The following GRID2 variants were observed in gnomAD, a reference collection of about 807,000 sequenced individuals.
GRID2 encodes glutamate receptor ionotropic, delta-2.
In GRID2, 33 loss-of-function variants were observed where a neutral mutation model predicts 114.8. The observed-to-expected ratio is 0.29, with a 90% CI of 0.22 to 0.38. The LOEUF (loss-of-function observed/expected upper bound fraction) is 0.38, where lower values mean the gene tolerates loss of function less well. GRID2 is among the 10% of genes least tolerant of loss of function. The pLI is 1.00. For synonymous variants in GRID2, 505 were observed against 449.9 expected (o/e 1.12, Z -1.55); for missense variants, 1,184 against 1,257.7 (o/e 0.94, Z 0.89).
At chr4:92,308,050 A>T (rs999623068) in intron 1 of GRID2, among the ~76,000 whole-genome samples, 1 of 152,188 alleles carries the variant, frequency 6.6e-6, no homozygotes, top group African/African-American at 2.4e-5. Context: ...GCTCTGATTT[A>T]TGTAGCTAGA....
chr4:93,524,819 G>A (rs2870711), intron 13 of GRID2, among the ~76,000 whole-genome samples: 279 of 52,080 alleles, frequency 5.4e-3, no homozygotes, highest in African/African-American at 6.4e-3. Flanking sequence ...ATATATGTAT[G>A]TATGTATATA....
In GRID2 at chr4:92,481,086, G is replaced by T. The variant is rs373048696; in HGVS notation, c.89-109045G>T. ...TAGAGTTAAATTTCTGAAGTCAGCA[G>T]GATAGGCTGAATGTGTATATGACGT... is the stretch of plus-strand genomic sequence containing the variant. On this transcript the variant is annotated intron_variant, in intron 1 of 15. Transcript: ENST00000282020. Among the ~76,000 whole-genome samples the T allele has an allele frequency of 3.4e-4, 51 of 152,218 alleles. 2 individuals are homozygous for T. In the East Asian group the frequency reaches 5.4e-3, roughly 16 times the overall value.
chr4:92,851,331 T>A (rs1467614437), intron 2 of GRID2, among the ~76,000 whole-genome samples: 1 of 151,902 alleles, frequency 6.6e-6, no homozygotes, highest in South Asian at 2.1e-4. Flanking sequence ...ACCATTTCTA[T>A]CTCACCAGAA....
At chr4:92,426,266 A>T (rs1351631898) in intron 1 of GRID2, among the ~76,000 whole-genome samples, 2 of 152,154 alleles carry the variant, frequency 1.3e-5, no homozygotes, top group Non-Finnish European at 2.9e-5. Context: ...ACCTAGAATA[A>T]CACAAATTCC....
intron 2 of GRID2, among the ~76,000 whole-genome samples, chr4:92,777,321 TTATA>T (rs1417389786): frequency 1.3e-5 from 2 of 152,088 alleles, no homozygotes; most frequent in African/African-American, 4.8e-5. Context: ...GACCTTGCTG[TTATA>T]GTTCAGATAG....
At position 92,454,743 on chromosome 4, in the gene GRID2, G is replaced by A. The variant is rs551815868; in HGVS notation, c.89-135388G>A. ...CCCAGCTATTCTGGAGGCTGAGGCA[G>A]GAGAATGGCGCGAACCCAGGAGGCA... On this transcript the variant is annotated intron_variant, in intron 1 of 15. Transcript: ENST00000282020. Among the ~76,000 whole-genome samples, 3 of 152,348 alleles carry A rather than the reference G, an allele frequency of 2.0e-5. No homozygotes were observed. The South Asian group carries it at 6.2e-4, about 32-fold the overall frequency.
At chr4:92,322,184 C>T (rs910934793) in intron 1 of GRID2, among the ~76,000 whole-genome samples, 1 of 151,958 alleles carries the variant, frequency 6.6e-6, no homozygotes, top group Non-Finnish European at 1.5e-5. Flanking sequence ...AAGTTGAAAG[C>T]CTTTCTGGTA....
intron 2 of GRID2, among the ~76,000 whole-genome samples, chr4:92,823,755 C>G (rs1741465948): frequency 6.6e-6 from 1 of 152,128 alleles, no homozygotes; most frequent in African/African-American, 2.4e-5. Flanking sequence ...GAAATTCCTT[C>G]TAAGCCCTTT....
At chr4:93,739,514 G>C (rs1277030066) in intron 14 of GRID2, among the ~76,000 whole-genome samples, 1 of 151,986 alleles carries the variant, frequency 6.6e-6, no homozygotes, top group Non-Finnish European at 1.5e-5. Flanking sequence ...AAAAACATGG[G>C]ATTATCCCAT....
chr4:92,665,712 GTTTTTT>G (rs148396155), intron 2 of GRID2, among the ~76,000 whole-genome samples: 1 of 146,618 alleles, frequency 6.8e-6, no homozygotes, highest in East Asian at 2.0e-4. Context: ...TGGTTGACAT[GTTTTTT>G]TTTTCTAGTA....
At chr4:93,093,829 G>A (rs1362838641) in intron 3 of GRID2, among the ~76,000 whole-genome samples, 1 of 151,942 alleles carries the variant, frequency 6.6e-6, no homozygotes, top group East Asian at 1.9e-4. Context: ...GGCAGCTAAT[G>A]CCAGGGAAAA....
At position 92,582,804 on chromosome 4, in the gene GRID2, C is replaced by A. The variant is rs1048982931; in HGVS notation, c.89-7327C>A. On this transcript the variant is annotated intron_variant, in intron 1 of 15. Coordinates refer to ENST00000282020, the MANE Select transcript of GRID2 (RefSeq NM_001510.4). ...AGTTCGAGATAAGCCTGGGCAACAA[C>A]GTGAGACCCCAGTCTCTACAAAAAA... 2.0e-5 allele frequency among the ~76,000 whole-genome samples: 3 copies of A among 151,620 alleles called. No individual in the cohort carries two copies. The South Asian group carries it at 6.2e-4, about 31-fold the overall frequency.
chr4:93,469,985 T>C (rs1724650009), intron 11 of GRID2, among the ~76,000 whole-genome samples: 1 of 152,138 alleles, frequency 6.6e-6, no homozygotes, highest in Admixed American at 6.5e-5. Flanking sequence ...ATTAAAATGT[T>C]CACTATGATG....
chr4:93,312,965 C>T (rs1421599432), intron 8 of GRID2, among the ~76,000 whole-genome samples: 1 of 152,074 alleles, frequency 6.6e-6, no homozygotes, highest in Non-Finnish European at 1.5e-5. Context: ...AGGAATTTTT[C>T]AAACGTATTT....
At chr4:92,884,277 G>A (rs1389309537) in intron 2 of GRID2, among the ~76,000 whole-genome samples, 1 of 152,098 alleles carries the variant, frequency 6.6e-6, no homozygotes, top group Non-Finnish European at 1.5e-5. Flanking sequence ...AGAGAGTTGG[G>A]GTCTTGCTCT....
intron 10 of GRID2, among the ~76,000 whole-genome samples, chr4:93,425,350 G>T (rs1359743094): frequency 6.6e-6 from 1 of 152,110 alleles, no homozygotes; most frequent in Non-Finnish European, 1.5e-5. Context: ...TTTAAACATT[G>T]TTAAGGCAGG....
intron 2 of GRID2, among the ~76,000 whole-genome samples, chr4:93,075,075 A>C (rs1269301570): frequency 6.6e-6 from 1 of 152,204 alleles, no homozygotes; most frequent in Non-Finnish European, 1.5e-5. Context: ...ACTCTTCCAG[A>C]AAATTCAAAA....
At chr4:92,424,834 A>G (rs1732078923) in intron 1 of GRID2, among the ~76,000 whole-genome samples, 1 of 151,826 alleles carries the variant, frequency 6.6e-6, no homozygotes, top group Non-Finnish European at 1.5e-5. Context: ...ACTACTTTTT[A>G]TACTCCTCTG....
At chr4:93,201,313 A>T (rs1742084447) in intron 4 of GRID2, among the ~76,000 whole-genome samples, 1 of 152,220 alleles carries the variant, frequency 6.6e-6, no homozygotes, top group South Asian at 2.1e-4. Flanking sequence ...TTTTAGTGGA[A>T]CTAGTGTCCT....
Sources: allele counts gnomAD v4.1 joint callset (sites outside exome capture counted in the v4.1 genomes callset), GRCh38; gene constraint gnomAD v4.1.1; transcripts MANE v1.5; gene names NCBI Gene and HGNC (gene_info 2026-07-23, HGNC 2026-07-21).